GPR158: variants seen among roughly 807,000 people sequenced by gnomAD.
The protein encoded by GPR158 is G protein-coupled receptor 158.
Under a neutral mutation model 78.2 loss-of-function variants are expected in GPR158, and 30 were observed. That is an observed-to-expected ratio of 0.38 (90% CI 0.29 to 0.52). GPR158 has a LOEUF of 0.52. Among genes scored for constraint, GPR158 ranks in the 20% least tolerant of loss-of-function variants. The pLI is 0.83. For synonymous variants in GPR158, 581 were observed against 591.1 expected (o/e 0.98, Z 0.25); for missense variants, 1,463 against 1,523.5 (o/e 0.96, Z 0.66).
chr10:25,272,208 G>A (rs1163706633), intron 2 of GPR158, among the ~76,000 whole-genome samples: 1 of 152,154 alleles, frequency 6.6e-6, no homozygotes, highest in Non-Finnish European at 1.5e-5. Flanking sequence ...TTCCCAAACA[G>A]TTAAAATAAT....
intron 5 of GPR158, among the ~76,000 whole-genome samples, chr10:25,508,550 T>C (rs955924126): frequency 2.6e-5 from 4 of 152,196 alleles, no homozygotes; most frequent in African/African-American, 9.6e-5. Flanking sequence ...AGTCTCTGTA[T>C]GCTGGCGGAC....
chr10:25,215,801 C>T (rs191713601), intron 1 of GPR158, among the ~76,000 whole-genome samples: 1 of 152,324 alleles, frequency 6.6e-6, no homozygotes, highest in Non-Finnish European at 1.5e-5. Context: ...TGCCACTGTA[C>T]TCCAGCCTGG....
chr10:25,311,214 C>G (rs1854759139), intron 2 of GPR158, among the ~76,000 whole-genome samples: 1 of 141,842 alleles, frequency 7.1e-6, no homozygotes, highest in Admixed American at 6.7e-5. Context: ...GCTATAAAAA[C>G]TTTTTGATTT....
chr10:25,581,856 T>A (rs1026249332), intron 7 of GPR158, among the ~76,000 whole-genome samples: 2 of 152,108 alleles, frequency 1.3e-5, no homozygotes, highest in African/African-American at 4.8e-5. Flanking sequence ...ATTTTCACAC[T>A]GCTGATAAAG....
intron 2 of GPR158, among the ~76,000 whole-genome samples, chr10:25,257,051 G>A (rs913281508): frequency 3.3e-5 from 5 of 152,174 alleles, no homozygotes; most frequent in South Asian, 4.1e-4. Context: ...CACAGACTGA[G>A]TAATTTATAA....
At chr10:25,595,020 T>G (rs1165818823) in intron 9 of GPR158, among the ~76,000 whole-genome samples, 1 of 148,146 alleles carries the variant, frequency 6.8e-6, no homozygotes, top group Non-Finnish European at 1.5e-5. Flanking sequence ...AAAATGATAT[T>G]GGAGTTTTTT....
At chr10:25,205,819 T>A (rs1275978006) in intron 1 of GPR158, among the ~76,000 whole-genome samples, 2 of 152,146 alleles carry the variant, frequency 1.3e-5, no homozygotes, top group Admixed American at 1.3e-4. Context: ...TTTAGTTTTT[T>A]TTTTAATTTG....
chr10:25,314,852 C>T (rs1211401403), intron 2 of GPR158, among the ~76,000 whole-genome samples: 11,041 of 110,130 alleles, frequency 0.1, 986 homozygotes, highest in African/African-American at 0.29. Context: ...TATATACATA[C>T]ACACACTGTC....
chr10:25,271,825 A>G (rs948521236), intron 2 of GPR158, among the ~76,000 whole-genome samples: 3 of 151,916 alleles, frequency 2.0e-5, no homozygotes, highest in African/African-American at 7.3e-5. Context: ...TCTTTAGTAG[A>G]AATGGGGTTT....
chr10:25,299,229 G>GGTGT (rs113252109), intron 2 of GPR158, among the ~76,000 whole-genome samples: 14 of 151,118 alleles, frequency 9.3e-5, no homozygotes, highest in African/African-American at 2.4e-4. Context: ...CACTTAAGTG[G>GGTGT]GTGTGTGTGT....
chr10:25,582,880 G>T (rs1378933349), intron 7 of GPR158, among the ~76,000 whole-genome samples: 1 of 152,132 alleles, frequency 6.6e-6, no homozygotes, highest in Non-Finnish European at 1.5e-5. Flanking sequence ...AATTACCACA[G>T]GCTATTCAAT....
At chr10:25,239,479 G>C (rs1256210942) in intron 2 of GPR158, among the ~76,000 whole-genome samples, 1 of 151,954 alleles carries the variant, frequency 6.6e-6, no homozygotes, top group Non-Finnish European at 1.5e-5. Context: ...ATGGTGGCAG[G>C]CACCTGTAAT....
intron 5 of GPR158, among the ~76,000 whole-genome samples, chr10:25,549,527 GTATCTT>G (rs374058117): frequency 5.3e-5 from 8 of 151,942 alleles, no homozygotes; most frequent in African/African-American, 1.9e-4. Context: ...ATATTTATCT[GTATCTT>G]CACGCAGACC....
chr10:25,550,869 G>A (rs1265680902), intron 5 of GPR158, 107 bp from the exon 6 acceptor site: 3 of 711,736 alleles, frequency 4.2e-6, no homozygotes, highest in Admixed American at 4.1e-5. Flanking sequence ...ATTCAGATGA[G>A]TGTATATCAA....
intron 2 of GPR158, among the ~76,000 whole-genome samples, chr10:25,239,682 A>G (rs1057298242): frequency 6.6e-6 from 1 of 151,908 alleles, no homozygotes; most frequent in Non-Finnish European, 1.5e-5. Flanking sequence ...ATTAGAGAAT[A>G]TATGCCTGCC....
intron 2 of GPR158, among the ~76,000 whole-genome samples, chr10:25,231,522 T>C (rs375226053): frequency 1.3e-5 from 2 of 152,160 alleles, no homozygotes; most frequent in East Asian, 3.9e-4. Context: ...TCCCCAACTT[T>C]CTTGAATCTG....
chr10:25,395,999 T>C lies in GPR158; in HGVS notation c.1097T>C (p.Val366Ala). The change falls in exon 3 of 11, where the codon GTG becomes GCG. Residue 366 changes from valine to alanine, a missense_variant. Val to Ala is a moderately conservative substitution (Grantham distance 64). Coordinates refer to ENST00000376351, the MANE Select transcript of GPR158 (RefSeq NM_020752.3). ...AGFYHPGVLP[V>A]NNFRRRGPDQ... The stretch of plus-strand genomic sequence containing the variant: ...TTCTATCATCCTGGAGTCTTACCAG[T>C]GAACAACTTTCGGAGTAAGTGCCCT... The C allele has an allele frequency of 6.3e-7, 1 of 1,576,380 alleles. No individual in the cohort carries two copies. Among genetic ancestry groups the C allele is most frequent in the Non-Finnish European group, 8.7e-7 (1 of 1,145,794 alleles).
intron 5 of GPR158, among the ~76,000 whole-genome samples, chr10:25,529,694 T>A (rs571879373): frequency 2.6e-5 from 4 of 152,278 alleles, no homozygotes; most frequent in African/African-American, 9.6e-5. Flanking sequence ...GATGTGAAGA[T>A]TGAGATGGGG....
intron 1 of GPR158, among the ~76,000 whole-genome samples, chr10:25,199,450 T>A (rs770077778): frequency 1.3e-5 from 2 of 152,194 alleles, no homozygotes; most frequent in Non-Finnish European, 2.9e-5. Context: ...GGCCTCCAGC[T>A]CCATCCATGT....
Sources: allele counts gnomAD v4.1 joint callset (sites outside exome capture counted in the v4.1 genomes callset), GRCh38; gene constraint gnomAD v4.1.1; transcripts MANE v1.5; gene names NCBI Gene and HGNC (gene_info 2026-07-23, HGNC 2026-07-21).